Variants in MVB12B observed in about 807,000 individuals in gnomAD.
The protein encoded by MVB12B is multivesicular body subunit 12B, also known as ESCRT-I complex subunit MVB12B.
A neutral mutation model predicts 41.6 loss-of-function variants in MVB12B; 16 were observed. The observed-to-expected ratio is 0.38, with a 90% confidence interval of 0.26 to 0.58. The LOEUF is 0.58. Ranked by LOEUF, MVB12B falls within the 20% of genes least tolerant of loss-of-function variation. The probability of loss-of-function intolerance (pLI) is 0.62; values close to 1 mark genes in which losing one functional copy is unlikely to be tolerated. For synonymous variants in MVB12B, 133 were observed against 139.7 expected, an observed-to-expected ratio of 0.95 and a Z score of 0.34; for missense variants, 274 against 380.2, an observed-to-expected ratio of 0.72 and a Z score of 2.32.
rs907018962 is a variant in MVB12B, at chr9:126,486,617, G to A, written c.873+2585G>A. Among the ~76,000 whole-genome samples the A allele has an allele frequency of 9.8e-4, 149 of 152,352 alleles. No homozygotes were observed. Among genetic ancestry groups the A allele is most frequent in the African/African-American group, 3.1e-3 (127 of 41,596 alleles). On this transcript the variant is annotated intron_variant, in intron 9 of 9. Coordinates refer to ENST00000361171, the MANE Select transcript of MVB12B (RefSeq NM_033446.3). This position sits in a 1 kb window ranked among gnomAD's most constrained non-coding sequence, Gnocchi z 4.7. ...CCCGTTCTGCTCCGGCCTGCCTGTG[G>A]GCCTAATGGTGGCACCGTTTAAGCA...
chr9:126,365,994 G>A (rs564616294), intron 2 of MVB12B, among the ~76,000 whole-genome samples: 1 of 152,200 alleles, frequency 6.6e-6, no homozygotes, highest in Non-Finnish European at 1.5e-5. Context: ...AATCCCAGTA[G>A]GTGAGTTCTC....
intron 3 of MVB12B, among the ~76,000 whole-genome samples, chr9:126,382,031 A>G (rs1830651321): frequency 6.6e-6 from 1 of 150,734 alleles, no homozygotes; most frequent in African/African-American, 2.4e-5. Context: ...TGTCATGTAA[A>G]TTTTTATTTT....
At chr9:126,443,682 C>G (rs1054415739) in intron 7 of MVB12B, among the ~76,000 whole-genome samples, 2 of 152,160 alleles carry the variant, frequency 1.3e-5, no homozygotes, top group African/African-American at 4.8e-5. Flanking sequence ...TGTATGTCTA[C>G]CTAATTGTCC....
chr9:126,414,816 C>G (rs1564318700), intron 6 of MVB12B, among the ~76,000 whole-genome samples: 1 of 151,648 alleles, frequency 6.6e-6, no homozygotes, highest in Non-Finnish European at 1.5e-5. Context: ...TCGTGGACCT[C>G]TCAGGTTTTT....
chr9:126,448,406 A>G (rs1832831506), intron 7 of MVB12B: 1 of 152,258 alleles, frequency 6.6e-6, no homozygotes, highest in Admixed American at 6.5e-5. Flanking sequence ...TGATTGTTCT[A>G]CTAGACTCTT....
chr9:126,476,077 C>CACATGGGCCGAGGGGTGGAGCACATG (rs1554784729), intron 7 of MVB12B, among the ~76,000 whole-genome samples: 3 of 152,134 alleles, frequency 2.0e-5, no homozygotes, highest in South Asian at 2.1e-4. Flanking sequence ...AGGGGTGGAG[C>CACATGGGCCGAGGGGTGGAGCACATG]GAGGCCGTCA....
chr9:126,446,798 TTC>T (rs1171454668), intron 7 of MVB12B, among the ~76,000 whole-genome samples: 4 of 152,064 alleles, frequency 2.6e-5, no homozygotes, highest in South Asian at 2.1e-4. Context: ...GATGTTATTT[TTC>T]TCTCTCTTTT....
At chr9:126,464,822 G>A (rs537897944) in intron 7 of MVB12B, among the ~76,000 whole-genome samples, 4 of 152,328 alleles carry the variant, frequency 2.6e-5, no homozygotes, top group Admixed American at 6.5e-5. Flanking sequence ...CCAGCTTTGC[G>A]GCCCTGACAA....
At chr9:126,402,324 C>G (rs1345125333) in intron 6 of MVB12B, among the ~76,000 whole-genome samples, 6 of 152,144 alleles carry the variant, frequency 3.9e-5, no homozygotes, top group Admixed American at 2.0e-4. Flanking sequence ...ATGGAGCACT[C>G]TGTCCTGGTC....
chr9:126,417,255 C>T (rs1406723982), intron 6 of MVB12B, among the ~76,000 whole-genome samples: 2 of 152,242 alleles, frequency 1.3e-5, no homozygotes. Flanking sequence ...AACCTGATTT[C>T]AATTCAGCAG....
intron 9 of MVB12B, among the ~76,000 whole-genome samples, chr9:126,491,223 G>T (rs998143382): frequency 6.6e-6 from 1 of 152,256 alleles, no homozygotes; most frequent in South Asian, 2.1e-4. Context: ...TCCGCATTGC[G>T]TGGGCTTCTG....
At chr9:126,394,373 C>T (rs748987862) in intron 5 of MVB12B, among the ~76,000 whole-genome samples, 2 of 152,152 alleles carry the variant, frequency 1.3e-5, no homozygotes, top group Non-Finnish European at 2.9e-5. Flanking sequence ...TAGATATGTA[C>T]CAGTATGTAC....
At chr9:126,484,213 C>T (rs1023575687) in intron 9 of MVB12B, among the ~76,000 whole-genome samples, 181 bp downstream of exon 9, 1 of 152,244 alleles carries the variant, frequency 6.6e-6, no homozygotes, top group Non-Finnish European at 1.5e-5. Flanking sequence ...TAACTAAATT[C>T]TAATGTATTT....
chr9:126,409,213 C>G (rs187959662), intron 6 of MVB12B, among the ~76,000 whole-genome samples: 36 of 152,056 alleles, frequency 2.4e-4, no homozygotes, highest in African/African-American at 8.7e-4. Context: ...TTTAGCCACA[C>G]GGTGCAGATG....
rs191205421 is a variant in MVB12B, at chr9:126,456,279, T to A, written c.758-25090T>A. 1.2e-3 allele frequency among the ~76,000 whole-genome samples: 183 copies of A among 152,266 alleles called. 1 individual carries two copies. Among genetic ancestry groups the A allele is most frequent in the Non-Finnish European group, 1.4e-3 (93 of 68,024 alleles). On this transcript the variant is annotated intron_variant, in intron 7 of 9. Transcript: ENST00000361171. The stretch of plus-strand genomic sequence containing the variant: ...TACTTACCTCCAAGATATTCCCAAA[T>A]CTCCAAATTTAAAAATAGCTCTTTC...
rs1007836240 is a variant in MVB12B at position 126,478,850 on chromosome 9, A to G, written c.758-2519A>G. On this transcript the variant is annotated intron_variant, in intron 7 of 9. Transcript: ENST00000361171. This position sits in a 1 kb window ranked among gnomAD's most constrained non-coding sequence, Gnocchi z 4.2. The stretch of plus-strand genomic sequence containing the variant: ...CGTAACACACAGGATCCCTAGACAT[A>G]CAGTGACATGTAGATAGAAACAACT... 6.6e-6 allele frequency among the ~76,000 whole-genome samples: 1 copy of G among 152,176 alleles called. No individual in the cohort carries two copies. The highest frequency in any genetic ancestry group is 6.5e-5 in the Admixed American group (1 of 15,278).
rs1044811903 is a variant in MVB12B, at chr9:126,428,753, C to G, written c.757+6805C>G. On this transcript the variant is annotated intron_variant, in intron 7 of 9. Coordinates refer to ENST00000361171, the MANE Select transcript of MVB12B (RefSeq NM_033446.3). ...CTGTGGTTCTCCTTTTCCCTGTGCT[C>G]GGGTGAGTGTGTGGGCTGAGTGAGT... 3.9e-5 allele frequency among the ~76,000 whole-genome samples: 6 copies of G among 152,220 alleles called. No homozygotes were observed. The East Asian group carries it at 1.2e-3, about 29-fold the overall frequency.
Position 126,382,051 on chromosome 9 carries a change from TTTTA to T in MVB12B, c.312+890_312+893del, listed in dbSNP as rs1428616572. 1.9e-4 allele frequency among the ~76,000 whole-genome samples: 28 copies of T among 150,380 alleles called. No individual in the cohort carries two copies. The South Asian group carries it at 5.8e-3, about 31-fold the overall frequency. On this transcript the variant is annotated intron_variant, in intron 3 of 9. Coordinates refer to ENST00000361171, the MANE Select transcript of MVB12B (RefSeq NM_033446.3). Reference sequence around the variant, plus strand: ...TGTAAATTTTTATTTTGGGAAATATTTTTATTTATTTATATAAATTATATTATAA... The same window carrying T: ...TGTAAATTTTTATTTTGGGAAATATTTTTATTTATATAAATTATATTATAA...
intron 9 of MVB12B, among the ~76,000 whole-genome samples, chr9:126,495,529 C>A (rs1369594220): frequency 6.6e-6 from 1 of 152,146 alleles, no homozygotes; most frequent in Admixed American, 6.5e-5. Flanking sequence ...CTTGCTCTGC[C>A]CCCATCATCC....
Sources: gnomAD v4.1 joint callset for allele counts (sites outside exome capture counted in the v4.1 genomes callset) on GRCh38, gnomAD v4.1.1 for gene constraint, Gnocchi (gnomAD v3.1) non-coding constraint, MANE v1.5 for transcripts, NCBI Gene and HGNC (gene_info 2026-07-23, HGNC 2026-07-21) for gene names.